The following MYO16 variants were observed in gnomAD, a reference collection of about 807,000 sequenced individuals.
The protein encoded by MYO16 is myosin XVI.
MYO16 carries 94 observed loss-of-function variants against 205.3 expected under a neutral mutation model. That is an observed-to-expected ratio of 0.46 (90% CI 0.39 to 0.54). The LOEUF is 0.54. Ranked by LOEUF, MYO16 falls within the 20% of genes least tolerant of loss-of-function variation. The pLI is 0.00. For synonymous variants in MYO16, 988 were observed against 954.0 expected (o/e 1.04, Z -0.66); for missense variants, 2,315 against 2,387.5 (o/e 0.97, Z 0.63).
chr13:108,640,862 T>C (rs895486848), intron 1 of MYO16, among the ~76,000 whole-genome samples: 2 of 152,222 alleles, frequency 1.3e-5, no homozygotes, highest in Non-Finnish European at 2.9e-5. Context: ...CTAATTTTCA[T>C]AAATTAATGC....
chr13:109,175,340 C>T (rs1175193016), intron 33 of MYO16, among the ~76,000 whole-genome samples: 14 of 152,294 alleles, frequency 9.2e-5, no homozygotes, highest in South Asian at 2.1e-4. Flanking sequence ...AAAGCCTTTT[C>T]GACTTTTGCC....
At chr13:108,990,889 A>G (rs1223312036) in intron 20 of MYO16, among the ~76,000 whole-genome samples, 4 of 152,304 alleles carry the variant, frequency 2.6e-5, no homozygotes, top group African/African-American at 9.6e-5. Context: ...TATGTACTGT[A>G]CGTGAAAAAC....
the MYO16 span, among the ~76,000 whole-genome samples, chr13:108,506,092 A>G: frequency 6.6e-6 from 1 of 151,450 alleles, no homozygotes; most frequent in Admixed American, 6.6e-5. Context: ...AACAGAAGGT[A>G]TAAGGCCTCC....
At chr13:108,523,739 C>T in the MYO16 span, among the ~76,000 whole-genome samples, 244 of 152,284 alleles carry the variant, frequency 1.6e-3, no homozygotes, top group African/African-American at 5.5e-3. Context: ...GCCAAGTGTG[C>T]GTGTCTTATT....
At chr13:108,663,982 T>G (rs978299009) in intron 1 of MYO16, among the ~76,000 whole-genome samples, 1 of 152,238 alleles carries the variant, frequency 6.6e-6, no homozygotes, top group Non-Finnish European at 1.5e-5. Flanking sequence ...GTTATGGTTC[T>G]TTATTAATGA....
intron 23 of MYO16, among the ~76,000 whole-genome samples, chr13:109,042,490 A>G (rs1279279802): frequency 6.6e-6 from 1 of 152,214 alleles, no homozygotes; most frequent in Middle Eastern, 3.2e-3. Flanking sequence ...CAAATTTAGC[A>G]CCAGGAAAAG....
intron 23 of MYO16, among the ~76,000 whole-genome samples, chr13:109,031,025 C>T (rs1886532160): frequency 6.6e-6 from 1 of 151,986 alleles, no homozygotes; most frequent in South Asian, 2.1e-4. Flanking sequence ...TTCAGTAGTT[C>T]CTCAACACTA....
At chr13:108,547,271 CAAA>C in the MYO16 span, among the ~76,000 whole-genome samples, 7 of 92,324 alleles carry the variant, frequency 7.6e-5, no homozygotes, top group Non-Finnish European at 6.9e-5. Context: ...GACTCTGTCT[CAAA>C]AAAAAAAAAA....
intron 7 of MYO16, among the ~76,000 whole-genome samples, chr13:108,809,427 C>T (rs1887215982): frequency 6.6e-6 from 1 of 152,152 alleles, no homozygotes; most frequent in South Asian, 2.1e-4. Context: ...AGTCTGCAGA[C>T]TGTACAAGCA....
intron 20 of MYO16, among the ~76,000 whole-genome samples, chr13:108,969,757 G>A (rs1390843178): frequency 6.6e-6 from 1 of 152,212 alleles, no homozygotes; most frequent in Non-Finnish European, 1.5e-5. Context: ...CCCGACTACA[G>A]CAATCACATC....
Position 108,874,735 on chromosome 13 carries a change from T to TATA in MYO16, c.1426-8323_1426-8321dup, listed in dbSNP as rs1566383261. ...TTATTATTATTATTATTATTATTATTATATGTGATCTTTTGTAAACACAAA... is the reference window on the plus strand; with the variant it reads ...TTATTATTATTATTATTATTATTATTATAATATGTGATCTTTTGTAAACACAAA... On this transcript the variant is annotated intron_variant, in intron 12 of 34. Coordinates refer to ENST00000457511, the MANE Select transcript of MYO16 (RefSeq NM_001198950.3). Among the ~76,000 whole-genome samples, 7 of 147,372 alleles carry TATA rather than the reference T, an allele frequency of 4.7e-5. No homozygotes were observed. In the Middle Eastern group the frequency reaches 0.011, roughly 227 times the overall value.
intron 20 of MYO16, among the ~76,000 whole-genome samples, chr13:108,982,838 T>G (rs1046396892): frequency 6.6e-6 from 1 of 152,144 alleles, no homozygotes; most frequent in Non-Finnish European, 1.5e-5. Context: ...TTAGGATAAG[T>G]TTGAAATTGT....
At chr13:109,071,050 T>G (rs906579837) in intron 27 of MYO16, among the ~76,000 whole-genome samples, 1 of 152,182 alleles carries the variant, frequency 6.6e-6, no homozygotes, top group African/African-American at 2.4e-5. Flanking sequence ...ACTTAAGTAC[T>G]AAATACTTAT....
chr13:108,847,682 A>AT (rs539666183), intron 10 of MYO16, among the ~76,000 whole-genome samples: 1 of 151,904 alleles, frequency 6.6e-6, no homozygotes, highest in African/African-American at 2.4e-5. Flanking sequence ...TTGACATTTT[A>AT]TTTTTTTTAA....
At chr13:108,892,669 A>G (rs949454204) in intron 14 of MYO16, among the ~76,000 whole-genome samples, 8 of 152,174 alleles carry the variant, frequency 5.3e-5, no homozygotes, top group African/African-American at 1.9e-4. Context: ...ACATGGTTAT[A>G]AAATAGCCTC....
At chr13:108,564,207 C>G in the MYO16 span, among the ~76,000 whole-genome samples, 3 of 137,676 alleles carry the variant, frequency 2.2e-5, no homozygotes, top group Non-Finnish European at 4.6e-5. Flanking sequence ...GTCTCGCTCT[C>G]TTGCCCAGGC....
chr13:108,661,962 T>C (rs1881521273), intron 1 of MYO16, among the ~76,000 whole-genome samples: 1 of 152,214 alleles, frequency 6.6e-6, no homozygotes, highest in Admixed American at 6.5e-5. Context: ...CAGATTCTTC[T>C]GTCCTATGGG....
intron 23 of MYO16, among the ~76,000 whole-genome samples, chr13:109,038,043 G>A (rs1187138826): frequency 6.6e-6 from 1 of 152,192 alleles, no homozygotes; most frequent in Admixed American, 6.5e-5. Context: ...GCTGTAAAGC[G>A]AAGGATTTAA....
intron 34 of MYO16, among the ~76,000 whole-genome samples, chr13:109,183,942 C>T (rs1396244961): frequency 2.0e-5 from 3 of 152,092 alleles, no homozygotes; most frequent in Non-Finnish European, 4.4e-5. Flanking sequence ...TCAAATAAAC[C>T]TTTTTGTAAT....
Sources: gnomAD v4.1 joint callset for allele counts (sites outside exome capture counted in the v4.1 genomes callset) on GRCh38, gnomAD v4.1.1 for gene constraint, MANE v1.5 for transcripts, NCBI Gene and HGNC (gene_info 2026-07-23, HGNC 2026-07-21) for gene names.